KIRREL3: variants seen among roughly 807,000 people sequenced by gnomAD.
The protein encoded by KIRREL3 is kin of IRRE-like protein 3.
A neutral mutation model predicts 89.7 loss-of-function variants in KIRREL3; 36 were observed. That is an observed-to-expected ratio of 0.40 (90% CI 0.31 to 0.53). KIRREL3 has a LOEUF of 0.53. Among genes scored for constraint, KIRREL3 ranks in the 20% least tolerant of loss-of-function variants. The probability of loss-of-function intolerance (pLI) is 0.49; values close to 1 mark genes in which losing one functional copy is unlikely to be tolerated. For synonymous variants in KIRREL3, 445 were observed against 441.4 expected, an observed-to-expected ratio of 1.01 and a Z score of -0.10; for missense variants, 864 against 1,056.6, an observed-to-expected ratio of 0.82 and a Z score of 2.53.
intron 1 of KIRREL3, among the ~76,000 whole-genome samples, chr11:126,925,727 A>G (rs797012043): frequency 6.6e-6 from 1 of 151,646 alleles, no homozygotes; most frequent in Non-Finnish European, 1.5e-5. Flanking sequence ...GCCTACTCCC[A>G]CCCTCCCTGC....
chr11:126,923,142 T>C (rs56110303), intron 1 of KIRREL3, among the ~76,000 whole-genome samples: 1,436 of 17,336 alleles, frequency 0.083, 120 homozygotes, highest in Middle Eastern at 0.25. Context: ...TTCTTCTTCT[T>C]CTTCTTCTTC....
At chr11:126,794,676 A>G (rs1950748056) in intron 1 of KIRREL3, among the ~76,000 whole-genome samples, 1 of 152,244 alleles carries the variant, frequency 6.6e-6, no homozygotes, top group Admixed American at 6.5e-5. Context: ...GGCCACGTGG[A>G]AGACACTTTG....
At chr11:126,613,846 C>T (rs1235154123) in intron 1 of KIRREL3, among the ~76,000 whole-genome samples, 1 of 135,964 alleles carries the variant, frequency 7.4e-6, no homozygotes, top group African/African-American at 2.8e-5. Context: ...TTTCAGATTG[C>T]ATTTCTGGAA....
rs914367498 is a variant in KIRREL3, at chr11:126,647,460, A to C, written c.56-84548T>G. Among the ~76,000 whole-genome samples, 4 of 152,258 alleles carry C rather than the reference A, an allele frequency of 2.6e-5. No individual in the cohort carries two copies. In the East Asian group the frequency reaches 7.7e-4, roughly 29 times the overall value. ...ACCCCACCCCTCTCACCAGGGTCCA[A>C]GTTATTTGAATACTTCATTTATGCA... On this transcript the variant is annotated intron_variant, in intron 1 of 16. Coordinates refer to ENST00000525144, the MANE Select transcript of KIRREL3 (RefSeq NM_032531.4). This position sits in a 1 kb window ranked among gnomAD's most constrained non-coding sequence, Gnocchi z 4.9.
chr11:126,585,721 G>C lies in KIRREL3; in HGVS notation c.56-22809C>G, dbSNP rs567255259. 8.5e-5 allele frequency among the ~76,000 whole-genome samples: 13 copies of C among 152,344 alleles called. No individual in the cohort carries two copies. The South Asian group carries it at 2.5e-3, about 29-fold the overall frequency. On this transcript the variant is annotated intron_variant, in intron 1 of 16. Transcript: ENST00000525144. ...CGGAACGTGGGAACAAAGGGATGCG[G>C]GGCCTAGCACTCTACGCCGGTGTCT...
Position 126,640,151 on chromosome 11 carries a change from A to T in KIRREL3, c.56-77239T>A, listed in dbSNP as rs1158513089. On this transcript the variant is annotated intron_variant, in intron 1 of 16. Coordinates refer to ENST00000525144, the MANE Select transcript of KIRREL3 (RefSeq NM_032531.4). This position sits in a 1 kb window ranked among gnomAD's most constrained non-coding sequence, Gnocchi z 4.9. ...TTGTACTAAAAAAATAAGGCATAGA[A>T]GCTCTATGATTTTCTGTCTATCTCA... 6.6e-6 allele frequency among the ~76,000 whole-genome samples: 1 copy of T among 152,124 alleles called. No homozygotes were observed. Among genetic ancestry groups the T allele is most frequent in the Non-Finnish European group, 1.5e-5 (1 of 68,018 alleles).
chr11:126,557,884 T>TC lies in KIRREL3; in HGVS notation c.133+4950dup, dbSNP rs971248824. On this transcript the variant is annotated intron_variant, in intron 2 of 16. Coordinates refer to ENST00000525144, the MANE Select transcript of KIRREL3 (RefSeq NM_032531.4). The surrounding 1 kb of genome is among the most constrained non-coding windows in gnomAD (Gnocchi z 5.6). ...TGCTAGTTATTTATGGAACCAGCTTTCCCCTTCCTGGGTGCTCCAGCTCTT... is the reference window on the plus strand; with the variant it reads ...TGCTAGTTATTTATGGAACCAGCTTTCCCCCTTCCTGGGTGCTCCAGCTCTT... Among the ~76,000 whole-genome samples, 1 of 152,152 alleles carries TC rather than the reference T, an allele frequency of 6.6e-6. No homozygotes were observed. Among genetic ancestry groups the TC allele is most frequent in the African/African-American group, 2.4e-5 (1 of 41,458 alleles).
chr11:126,923,016 C>G (rs1430782783), intron 1 of KIRREL3, among the ~76,000 whole-genome samples: 2 of 152,202 alleles, frequency 1.3e-5, no homozygotes, highest in Non-Finnish European at 2.9e-5. Context: ...TGCCCTGGCT[C>G]CCATGGCAGC....
At chr11:126,998,640 C>T (rs1046846053) in intron 1 of KIRREL3, among the ~76,000 whole-genome samples, 6 of 152,140 alleles carry the variant, frequency 3.9e-5, no homozygotes, top group Admixed American at 3.3e-4. Flanking sequence ...GAAACAGCTC[C>T]AGACCAAGAA....
chr11:126,845,207 C>G (rs1017936808), intron 1 of KIRREL3, among the ~76,000 whole-genome samples: 17 of 152,092 alleles, frequency 1.1e-4, no homozygotes, highest in Non-Finnish European at 7.4e-5. Context: ...ATAACTTTCT[C>G]TTATGTTGCA....
At chr11:126,868,264 GT>G (rs59533614) in intron 1 of KIRREL3, among the ~76,000 whole-genome samples, 152,338 of 152,338 alleles carry the variant, frequency 1, 76,169 homozygotes, top group Non-Finnish European at 1. Flanking sequence ...AGCTGCACCA[GT>G]GCGGTCCAGC....
rs118117047 is a variant in KIRREL3, at chr11:126,939,329, C to T, written c.55+61126G>A. 5.0e-3 allele frequency among the ~76,000 whole-genome samples: 761 copies of T among 152,330 alleles called. 4 individuals carry two copies. Among genetic ancestry groups the T allele is most frequent in the Non-Finnish European group, 7.8e-3 (534 of 68,028 alleles). ...CTTAATTAGTTTGTCTTTCTGGATG[C>T]TCTGTCCTCCCCCATCAAAGACAAG... On this transcript the variant is annotated intron_variant, in intron 1 of 16. Coordinates refer to ENST00000525144, the MANE Select transcript of KIRREL3 (RefSeq NM_032531.4).
intron 13 of KIRREL3, among the ~76,000 whole-genome samples, chr11:126,434,296 C>T (rs1190596094): frequency 2.0e-5 from 3 of 152,234 alleles, no homozygotes; most frequent in African/African-American, 7.2e-5. Context: ...TGTTGGGGAG[C>T]TCTGGATGAG....
rs1202270272 is a variant in KIRREL3 at position 126,647,307 on chromosome 11, G to A, written c.56-84395C>T. ...ATAAGCTCCCAAGCCTTGCATGCCCGTTTTAATTAACTTGTCTATTCACGC... is the reference window on the plus strand; with the variant it reads ...ATAAGCTCCCAAGCCTTGCATGCCCATTTTAATTAACTTGTCTATTCACGC... On this transcript the variant is annotated intron_variant, in intron 1 of 16. Coordinates refer to ENST00000525144, the MANE Select transcript of KIRREL3 (RefSeq NM_032531.4). The surrounding 1 kb of genome is among the most constrained non-coding windows in gnomAD (Gnocchi z 4.9). Among the ~76,000 whole-genome samples the A allele has an allele frequency of 3.9e-5, 6 of 152,268 alleles. No individual in the cohort carries two copies. The highest frequency in any genetic ancestry group is 2.1e-4 in the South Asian group (1 of 4,822).
intron 1 of KIRREL3, among the ~76,000 whole-genome samples, chr11:126,584,263 C>T (rs901249455): frequency 7.9e-5 from 12 of 152,138 alleles, no homozygotes; most frequent in Admixed American, 2.0e-4. Flanking sequence ...GTTGGTGCCC[C>T]GGAATTAGGG....
chr11:126,480,963 G>A (rs1957202361), intron 4 of KIRREL3, among the ~76,000 whole-genome samples: 1 of 152,152 alleles, frequency 6.6e-6, no homozygotes, highest in African/African-American at 2.4e-5. Flanking sequence ...GAGACAAGAG[G>A]GAGCTGACCT....
At chr11:126,800,572 G>T (rs1346650548) in intron 1 of KIRREL3, among the ~76,000 whole-genome samples, 1 of 152,152 alleles carries the variant, frequency 6.6e-6, no homozygotes, top group Non-Finnish European at 1.5e-5. Context: ...ATAAAAAAGT[G>T]CTAGGATTCT....
intron 1 of KIRREL3, among the ~76,000 whole-genome samples, chr11:126,893,212 T>G (rs1945994869): frequency 6.6e-6 from 1 of 152,172 alleles, no homozygotes; most frequent in Non-Finnish European, 1.5e-5. Context: ...TTCTATAATT[T>G]TACTTCTTTT....
intron 1 of KIRREL3, among the ~76,000 whole-genome samples, chr11:126,845,800 G>T (rs1944119271): frequency 6.6e-6 from 1 of 152,102 alleles, no homozygotes; most frequent in Non-Finnish European, 1.5e-5. Context: ...CATGGCTAAA[G>T]TTGGATAAAA....
Sources: allele counts gnomAD v4.1 joint callset (sites outside exome capture counted in the v4.1 genomes callset), GRCh38; gene constraint gnomAD v4.1.1; non-coding constraint Gnocchi (gnomAD v3.1); transcripts MANE v1.5; gene names NCBI Gene and HGNC (gene_info 2026-07-23, HGNC 2026-07-21).